Variants in PRAG1 observed in about 807,000 individuals in gnomAD.
PRAG1 encodes PEAK1 related, kinase-activating pseudokinase 1, also known as inactive tyrosine-protein kinase PRAG1.
In PRAG1, 110 loss-of-function variants were observed where a neutral mutation model predicts 95.6. The ratio of observed to expected loss-of-function variants is 1.15; its 90% CI spans 0.99 to 1.35. PRAG1 has a LOEUF of 1.35. Among genes scored for constraint, PRAG1 ranks in the 40% most tolerant of loss-of-function variants. PRAG1 has a pLI of 0.00. For missense variants in PRAG1, 2,554 were observed against 1,864.7 expected (o/e 1.37, Z -6.81); for synonymous variants, 1,052 against 819.4 (o/e 1.28, Z -4.85).
intron 3 of PRAG1, among the ~76,000 whole-genome samples, chr8:8,375,859 C>T (rs147466130): frequency 4.7e-4 from 71 of 152,176 alleles, no homozygotes; most frequent in African/African-American, 1.5e-3. Flanking sequence ...TCCTTTTGCC[C>T]TCTTTTGCAT....
chr8:8,386,256 C>T (rs1800847235), intron 1 of PRAG1, 65 bp downstream of exon 1: 1 of 152,280 alleles, frequency 6.6e-6, no homozygotes, highest in Admixed American at 6.5e-5. Context: ...CTCCAAAGCT[C>T]CCCTCTGCGA....
rs4840953 is a variant in PRAG1, at chr8:8,376,676, G to C, written c.1733C>G (p.Ser578Cys). 0.33 allele frequency: 534,473 copies of C among 1,610,944 alleles called. 94,777 individuals carry two copies. Among genetic ancestry groups the C allele is most frequent in the East Asian group, 0.65 (29,374 of 44,858 alleles). The part of the protein sequence containing the change: ...SPLADLSDGS[S>C]GGSSIGPQPP... ...CTGGGGCCCAATGCTGCTGCCGCCAGAGCTCCCATCACTAAGGTCAGCCAG... is the reference window on the plus strand; with the variant it reads ...CTGGGGCCCAATGCTGCTGCCGCCACAGCTCCCATCACTAAGGTCAGCCAG... The change falls in exon 3 of 6, where the codon TCT becomes TGT. Residue 578 changes from serine (S) to cysteine (C), a missense_variant. Transcript: ENST00000615670.
At chr8:8,339,114 G>C (rs1311371302) in intron 4 of PRAG1, among the ~76,000 whole-genome samples, 1 of 152,090 alleles carries the variant, frequency 6.6e-6, no homozygotes, top group Non-Finnish European at 1.5e-5. Flanking sequence ...GAGAGAGAGA[G>C]AGAGAGAAAG....
intron 3 of PRAG1, among the ~76,000 whole-genome samples, chr8:8,344,145 C>T (rs528795750): frequency 7.4e-4 from 113 of 152,146 alleles, no homozygotes; most frequent in Middle Eastern, 3.4e-3. Flanking sequence ...CCATACTGTG[C>T]AGTACAGAGC....
In PRAG1 at chr8:8,377,930, G is replaced by C; in HGVS notation, c.479C>G (p.Thr160Ser). Reference sequence around the variant, plus strand: ...CTCAAGGTTGTGCAGGCCGACCATGGTGTAAGCTGGGGGACAGCGAGAATT... The same window carrying C: ...CTCAAGGTTGTGCAGGCCGACCATGCTGTAAGCTGGGGGACAGCGAGAATT... ...DGNSRCPPAY[T>S]MVGLHNLEPR... Residue 160 changes from threonine (T) to serine (S), a missense_variant, in exon 3 of 6, where the codon ACC (threonine) becomes AGC (serine). Thr to Ser is a moderately conservative substitution (Grantham distance 58, BLOSUM62 1). Coordinates refer to ENST00000615670, the MANE Select transcript of PRAG1 (RefSeq NM_001080826.3). The C allele has an allele frequency of 6.2e-7, 1 of 1,614,070 alleles. No homozygotes were observed. The highest frequency in any genetic ancestry group is 8.5e-7 in the Non-Finnish European group (1 of 1,180,028).
At chr8:8,358,211 A>C (rs1275521378) in intron 3 of PRAG1, among the ~76,000 whole-genome samples, 1 of 152,192 alleles carries the variant, frequency 6.6e-6, no homozygotes, top group Non-Finnish European at 1.5e-5. Flanking sequence ...GTTTATTATA[A>C]AGTATATCAC....
rs186432130 is a variant in PRAG1 at position 8,328,778 on chromosome 8, A to G, written c.2321-317T>C. Among the ~76,000 whole-genome samples the G allele has an allele frequency of 5.1e-3, 685 of 134,172 alleles. 3 individuals are homozygous for G. Among genetic ancestry groups the G allele is most frequent in the East Asian group, 9.3e-3 (46 of 4,962 alleles). 88.0% of individuals were successfully genotyped at this position (134,172 alleles called of 152,430 possible). A position where few individuals can be genotyped will look rare whatever the true frequency, so the allele number is the denominator to read the frequency against. On this transcript the variant is annotated intron_variant, in intron 4 of 5. Coordinates refer to ENST00000615670, the MANE Select transcript of PRAG1 (RefSeq NM_001080826.3). Reference sequence around the variant, plus strand: ...CAAATGCGTGCCTGCACGCGTGCGCACACACACACACACACACACACAAAT... The same window carrying G: ...CAAATGCGTGCCTGCACGCGTGCGCGCACACACACACACACACACACAAAT...
chr8:8,334,218 C>T (rs2980495), intron 4 of PRAG1, among the ~76,000 whole-genome samples: 31,222 of 152,032 alleles, frequency 0.21, 3,493 homozygotes, highest in African/African-American at 0.3. Flanking sequence ...CTGAGGCAGG[C>T]GGATCACCTG....
chr8:8,332,951 A>C lies in PRAG1; in HGVS notation c.2321-4490T>G, dbSNP rs1798870103. ...GGCAAGCTGGAAATAACAGGGAACA[A>C]ATATACCCTGACACCTAAAATACTT... On this transcript the variant is annotated intron_variant, in intron 4 of 5. Transcript: ENST00000615670. 3.3e-5 allele frequency among the ~76,000 whole-genome samples: 5 copies of C among 151,886 alleles called. No homozygotes were observed. The South Asian group carries it at 1.0e-3, about 31-fold the overall frequency.
At chr8:8,365,483 G>A (rs1288977555) in intron 3 of PRAG1, among the ~76,000 whole-genome samples, 2 of 151,812 alleles carry the variant, frequency 1.3e-5, no homozygotes, top group Admixed American at 1.3e-4. Flanking sequence ...AATTAGCCCG[G>A]CATGGTGGCA....
At position 8,376,355 on chromosome 8, in the gene PRAG1, C is replaced by A; in HGVS notation, c.2054G>T (p.Ser685Ile). Residue 685 changes from serine to isoleucine, a missense_variant, in exon 3 of 6, where the codon AGC (serine) becomes ATC (isoleucine). Coordinates refer to ENST00000615670, the MANE Select transcript of PRAG1 (RefSeq NM_001080826.3). Reference sequence around the variant, plus strand: ...TTTGCTCATCCCGGTCCCAACTTTGCTGTTCTGCCCAGAGGAGCCATCTGT... The same window carrying A: ...TTTGCTCATCCCGGTCCCAACTTTGATGTTCTGCCCAGAGGAGCCATCTGT... Reference protein sequence around the residue: ...HPTDGSSGQNSKVGTGMSKSA... With the variant: ...HPTDGSSGQNIKVGTGMSKSA... 6.2e-7 allele frequency: 1 copy of A among 1,614,236 alleles called. No homozygotes were observed. The highest frequency in any genetic ancestry group is 8.5e-7 in the Non-Finnish European group (1 of 1,180,044).
intron 3 of PRAG1, among the ~76,000 whole-genome samples, chr8:8,371,842 G>A (rs1320208781): frequency 1.3e-5 from 2 of 152,128 alleles, no homozygotes; most frequent in East Asian, 3.9e-4. Context: ...TCCAGCCTGG[G>A]CGGCAGAGTG....
Position 8,381,431 on chromosome 8 carries a change from G to A in PRAG1, c.317C>T (p.Ala106Val), listed in dbSNP as rs778116814. The change falls in exon 2 of 6, where the codon GCC (alanine) becomes GTC (valine). Residue 106 changes from alanine to valine, a missense_variant. By Grantham distance (64) the Ala-to-Val change is moderately conservative. Coordinates refer to ENST00000615670, the MANE Select transcript of PRAG1 (RefSeq NM_001080826.3). ...SDVWTEANLS[A>V]EVSQVIWRRA... Reference sequence around the variant, plus strand: ...AGTCAGCCTCACCTGCGAGACTTCGGCACTCAGGTTGGCCTCTGTCCACAC... The same window carrying A: ...AGTCAGCCTCACCTGCGAGACTTCGACACTCAGGTTGGCCTCTGTCCACAC... The A allele has an allele frequency of 4.0e-5, 64 of 1,606,512 alleles. No individual in the cohort carries two copies. In the Admixed American group the frequency reaches 1.1e-3, roughly 26 times the overall value.
At chr8:8,345,188 T>C (rs1799295578) in intron 3 of PRAG1, among the ~76,000 whole-genome samples, 1 of 151,652 alleles carries the variant, frequency 6.6e-6, no homozygotes, top group Admixed American at 6.6e-5. Flanking sequence ...TAACTGCTTC[T>C]TCTTTATTGG....
chr8:8,369,984 G>C (rs1267747364), intron 3 of PRAG1, among the ~76,000 whole-genome samples: 3 of 152,164 alleles, frequency 2.0e-5, no homozygotes, highest in Non-Finnish European at 4.4e-5. Flanking sequence ...CAGAACCCCA[G>C]TAACTGGCTT....
At chr8:8,361,410 G>A (rs1799844327) in intron 3 of PRAG1, among the ~76,000 whole-genome samples, 2 of 152,184 alleles carry the variant, frequency 1.3e-5, no homozygotes, top group South Asian at 4.1e-4. Flanking sequence ...ATCGGGTCCG[G>A]AAGGGGGTAC....
chr8:8,350,597 C>T (rs759820816), intron 3 of PRAG1, among the ~76,000 whole-genome samples: 30 of 152,210 alleles, frequency 2.0e-4, no homozygotes, highest in African/African-American at 7.0e-4. Flanking sequence ...CTGGGAAGAA[C>T]AATGATGCTA....
intron 2 of PRAG1, among the ~76,000 whole-genome samples, chr8:8,380,673 G>T (rs943532600): frequency 6.6e-6 from 1 of 151,824 alleles, no homozygotes; most frequent in African/African-American, 2.4e-5. Flanking sequence ...GGCCAACGTG[G>T]TGAAACCCAT....
Position 8,318,545 on chromosome 8 carries a change from A to T in PRAG1, c.3830T>A (p.Leu1277Gln). The change falls in exon 6 of 6, where the codon CTG (leucine) becomes CAG (glutamine). Residue 1277 changes from leucine (L) to glutamine (Q), a missense_variant. Leu to Gln is a moderately radical substitution (Grantham distance 113, BLOSUM62 -2). Coordinates refer to ENST00000615670, the MANE Select transcript of PRAG1 (RefSeq NM_001080826.3). The surrounding 1 kb of genome is among the most constrained non-coding windows in gnomAD (Gnocchi z 4.2). ...QPNPFEVRAQ[L>Q]RERDYRQEDL... Reference sequence around the variant, plus strand: ...CTCCTGCCGGTAGTCTCTCTCCCGCAGCTGGGCGCGCACCTCGAACGGGTT... The same window carrying T: ...CTCCTGCCGGTAGTCTCTCTCCCGCTGCTGGGCGCGCACCTCGAACGGGTT... The T allele has an allele frequency of 6.2e-7, 1 of 1,613,588 alleles. No homozygotes were observed.
Sources: gnomAD v4.1 joint callset for allele counts (sites outside exome capture counted in the v4.1 genomes callset) on GRCh38, gnomAD v4.1.1 for gene constraint, Gnocchi (gnomAD v3.1) non-coding constraint, MANE v1.5 for transcripts, NCBI Gene and HGNC (gene_info 2026-07-23, HGNC 2026-07-21) for gene names.